COASY: variants seen among roughly 807,000 people sequenced by gnomAD.
COASY encodes bifunctional coenzyme A synthase.
Under a neutral mutation model 49.4 loss-of-function variants are expected in COASY, and 31 were observed. That is an observed-to-expected ratio of 0.63 (90% confidence interval 0.47 to 0.85). The LOEUF is 0.85. COASY is among the 40% of genes least tolerant of loss of function. The probability of loss-of-function intolerance (pLI) is 0.00; values close to 1 mark genes in which losing one functional copy is unlikely to be tolerated. For synonymous variants in COASY, 285 were observed against 310.9 expected (o/e 0.92, Z 0.88); for missense variants, 730 against 734.1 (o/e 0.99, Z 0.06).
In COASY at chr17:42,562,775, TCAGCCCCAGTC is replaced by T. The variant is rs1408589058; in HGVS notation, c.161_171del (p.Gln54ArgfsTer6). The T allele has an allele frequency of 6.2e-7, 1 of 1,602,116 alleles. No homozygotes were observed. The highest frequency in any genetic ancestry group is 8.5e-7 in the Non-Finnish European group (1 of 1,171,546). Reference sequence around the variant, plus strand: ...CGGGCATGAGCCTGGAGGGCCCGGCTCAGCCCCAGTCCAGCCCCGTGCAGGCCACGTTTGAG... The same window carrying T: ...CGGGCATGAGCCTGGAGGGCCCGGCTCAGCCCCGTGCAGGCCACGTTTGAG... On this transcript the variant is annotated frameshift_variant, in exon 1 of 9. Coordinates refer to ENST00000393818, the MANE Select transcript of COASY (RefSeq NM_025233.7). LOFTEE classifies it high-confidence loss of function.
Position 42,566,061 on chromosome 17 carries a change from GC to G in COASY, c.*96del. 1 of 1,361,386 alleles carries G rather than the reference GC, an allele frequency of 7.3e-7. No individual in the cohort carries two copies. The highest frequency in any genetic ancestry group is 1.0e-6 in the Non-Finnish European group (1 of 954,732). The allele number at this position is 1,361,386 out of a possible 1,614,324, so 84.3% of individuals were successfully genotyped here. A position where few individuals can be genotyped will look rare whatever the true frequency, so the allele number is the denominator to read the frequency against. ...GGCCTTGATGCTCACCCTGGTTCAGGCCCAGAGGTCCAAGCTATACTGTGCA... is the reference window on the plus strand; with the variant it reads ...GGCCTTGATGCTCACCCTGGTTCAGGCCAGAGGTCCAAGCTATACTGTGCA... On this transcript the variant is annotated 3_prime_UTR_variant, in exon 9 of 9. Transcript: ENST00000393818.
Position 42,562,550 on chromosome 17 carries a change from GGCCTCT to G in COASY, c.-67_-62del. The G allele has an allele frequency of 1.9e-6, 3 of 1,594,640 alleles. No homozygotes were observed. Among genetic ancestry groups the G allele is most frequent in the Non-Finnish European group, 2.6e-6 (3 of 1,171,446 alleles). On this transcript the variant is annotated 5_prime_UTR_variant, in exon 1 of 9. Coordinates refer to ENST00000393818, the MANE Select transcript of COASY (RefSeq NM_025233.7). ...TCTCTGGGGTCCAAGGTCCCATACA[GGCCTCT>G]GCCTCGGCCGCAGGCCCTTCAGTCA... is the stretch of plus-strand genomic sequence containing the variant.
Position 42,565,229 on chromosome 17 carries a change from G to A in COASY, c.1305G>A (p.Lys435=), listed in dbSNP as rs2092996517. The A allele has an allele frequency of 6.2e-7, 1 of 1,613,962 alleles. No homozygotes were observed. The highest frequency in any genetic ancestry group is 1.1e-5 in the South Asian group (1 of 91,092). Residue 435 remains lysine (K), a splice_region_variant and synonymous_variant, in exon 6 of 9, where the codon AAG becomes AAA. Coordinates refer to ENST00000393818, the MANE Select transcript of COASY (RefSeq NM_025233.7). ...VLGSRVFGNK[K]QLKILTDIMW... Reference sequence around the variant, plus strand: ...CTGCCCTCTGTTCCCCTCCCCAGAAGCAGCTGAAGATACTCACGGACATTA... The same window carrying A: ...CTGCCCTCTGTTCCCCTCCCCAGAAACAGCTGAAGATACTCACGGACATTA...
chr17:42,562,338 AC>A lies in COASY; in HGVS notation c.-284del. The A allele has an allele frequency of 7.1e-7, 1 of 1,417,954 alleles. No individual in the cohort carries two copies. The highest frequency in any genetic ancestry group is 9.9e-7 in the Non-Finnish European group (1 of 1,007,404). 87.8% of individuals were successfully genotyped at this position (1,417,954 alleles called of 1,614,324 possible). On this transcript the variant is annotated 5_prime_UTR_variant, in exon 1 of 9. Transcript: ENST00000393818. ...GGATTTTTGGATCCCCAGCCCTGTG[AC>A]AAGGGTTCCTGTCCAGTTTCCCCCT...
At position 42,566,133 on chromosome 17, in the gene COASY, T is replaced by A; in HGVS notation, c.*165T>A. 1.4e-6 allele frequency: 1 copy of A among 691,506 alleles called. No homozygotes were observed. Among genetic ancestry groups the A allele is most frequent in the Non-Finnish European group, 2.4e-6 (1 of 408,564 alleles). The allele number at this position is 691,506 out of a possible 1,614,324, so 42.8% of individuals were successfully genotyped here. On this transcript the variant is annotated 3_prime_UTR_variant, in exon 9 of 9. Transcript: ENST00000393818. ...GACACAGGAAGCCTACCCAACACGC[T>A]GGTATTTGGCCAACACTGAGGATGT...
chr17:42,562,669 C>T lies in COASY; in HGVS notation c.47C>T (p.Ala16Val). 1 of 1,526,208 alleles carries T rather than the reference C, an allele frequency of 6.6e-7. No individual in the cohort carries two copies. The highest frequency in any genetic ancestry group is 8.8e-7 in the Non-Finnish European group (1 of 1,141,124). 94.5% of individuals were successfully genotyped at this position (1,526,208 alleles called of 1,614,324 possible). ...CTCCTGGTGCTGACGACGCCGCTGG[C>T]CTCCCTAGCCCCTCGCCTGGCCTCC... is the stretch of plus-strand genomic sequence containing the variant. ...SGLLVLTTPL[A>V]SLAPRLASIL... The change falls in exon 1 of 9, where the codon GCC (alanine) becomes GTC (valine). Residue 16 changes from alanine to valine, a missense_variant. Ala to Val is a moderately conservative substitution (Grantham distance 64). Transcript: ENST00000393818.
rs2092980912 is a variant in COASY at position 42,562,621 on chromosome 17, G to T, written c.-2G>T. 2.0e-6 allele frequency: 3 copies of T among 1,528,940 alleles called. No homozygotes were observed. In the East Asian group the frequency reaches 6.8e-5, roughly 35 times the overall value. The allele number at this position is 1,528,940 out of a possible 1,614,324, so 94.7% of individuals were successfully genotyped here. On this transcript the variant is annotated 5_prime_UTR_variant, in exon 1 of 9. Transcript: ENST00000393818. ...CCCTGACTGTCCGCAGGCCTGGGCA[G>T]CATGGCCGTATTCCGGTCGGGTCTC...
intron 1 of COASY, chr17:42,563,574 C>G: frequency 1.8e-6 from 1 of 543,522 alleles, no homozygotes; most frequent in Non-Finnish European, 3.3e-6. Context: ...AGCAAGTTTT[C>G]CAGGTGATAC....
Position 42,563,217 on chromosome 17 carries a change from A to G in COASY, c.595A>G (p.Thr199Ala). ...RGYYRGAVGG[T>A]FDRLHNAHKV... is the part of the protein sequence containing the mutation. ...CTACTACCGTGGCGCTGTCGGTGGC[A>G]CGTTTGACCGCCTGCACAACGCCCA... The change falls in exon 1 of 9, where the codon ACG (threonine) becomes GCG (alanine). Residue 199 changes from threonine to alanine, a missense_variant. Physicochemically the swap from Thr to Ala is moderately conservative, Grantham distance 58. Coordinates refer to ENST00000393818, the MANE Select transcript of COASY (RefSeq NM_025233.7). 3 of 1,613,636 alleles carry G rather than the reference A, an allele frequency of 1.9e-6. No individual in the cohort carries two copies. Among genetic ancestry groups the G allele is most frequent in the Non-Finnish European group, 2.5e-6 (3 of 1,179,998 alleles).
chr17:42,562,692 T>G lies in COASY; in HGVS notation c.70T>G (p.Ser24Ala). Residue 24 changes from serine to alanine, a missense_variant, in exon 1 of 9, where the codon TCC becomes GCC. Ser to Ala is a moderately conservative substitution (Grantham distance 99). Coordinates refer to ENST00000393818, the MANE Select transcript of COASY (RefSeq NM_025233.7). ...PLASLAPRLA[S>A]ILTSAARLVN... Reference sequence around the variant, plus strand: ...GGCCTCCCTAGCCCCTCGCCTGGCCTCCATCCTGACCTCGGCGGCCCGGCT... The same window carrying G: ...GGCCTCCCTAGCCCCTCGCCTGGCCGCCATCCTGACCTCGGCGGCCCGGCT... The G allele has an allele frequency of 6.4e-7, 1 of 1,557,834 alleles. No homozygotes were observed. The highest frequency in any genetic ancestry group is 8.7e-7 in the Non-Finnish European group (1 of 1,153,094).
In COASY at chr17:42,566,131, G is replaced by T; in HGVS notation, c.*163G>T. The T allele has an allele frequency of 1.4e-6, 1 of 697,672 alleles. No homozygotes were observed. 43.2% of individuals were successfully genotyped at this position (697,672 alleles called of 1,614,324 possible). A position where few individuals can be genotyped will look rare whatever the true frequency, so the allele number is the denominator to read the frequency against. On this transcript the variant is annotated 3_prime_UTR_variant, in exon 9 of 9. Transcript: ENST00000393818. The stretch of plus-strand genomic sequence containing the variant: ...TGGACACAGGAAGCCTACCCAACAC[G>T]CTGGTATTTGGCCAACACTGAGGAT...
chr17:42,564,240 C>T, intron 2 of COASY, 65 bp downstream of exon 2: 1 of 1,518,648 alleles, frequency 6.6e-7, no homozygotes, highest in Non-Finnish European at 9.1e-7. Flanking sequence ...TTTGAGGGGG[C>T]TGTTGGAAGT....
intron 1 of COASY, chr17:42,563,531 A>C: frequency 3.5e-6 from 2 of 576,036 alleles, no homozygotes; most frequent in Non-Finnish European, 6.1e-6. Flanking sequence ...CAATCAGAAT[A>C]CCCCAAATGT....
intron 2 of COASY, 38 bp downstream of exon 2, chr17:42,564,213 G>A: frequency 6.3e-7 from 1 of 1,599,724 alleles, no homozygotes; most frequent in Non-Finnish European, 8.6e-7. Context: ...GAGTGGATGG[G>A]GGACGGGGAA....
In COASY at chr17:42,562,606, C is replaced by T. The variant is rs779309874; in HGVS notation, c.-17C>T. 1.3e-6 allele frequency: 2 copies of T among 1,537,290 alleles called. No homozygotes were observed. Among genetic ancestry groups the T allele is most frequent in the East Asian group, 2.3e-5 (1 of 44,254 alleles). Reference sequence around the variant, plus strand: ...ACCGTCGCCTCGTCTCCCTGACTGTCCGCAGGCCTGGGCAGCATGGCCGTA... The same window carrying T: ...ACCGTCGCCTCGTCTCCCTGACTGTTCGCAGGCCTGGGCAGCATGGCCGTA... On this transcript the variant is annotated 5_prime_UTR_variant, in exon 1 of 9. Transcript: ENST00000393818.
rs2092980521 is a variant in COASY at position 42,562,554 on chromosome 17, T to C, written c.-69T>C. The C allele has an allele frequency of 6.3e-7, 1 of 1,586,250 alleles. No homozygotes were observed. The highest frequency in any genetic ancestry group is 8.6e-7 in the Non-Finnish European group (1 of 1,167,734). On this transcript the variant is annotated 5_prime_UTR_variant, in exon 1 of 9. Transcript: ENST00000393818. ...TGGGGTCCAAGGTCCCATACAGGCC[T>C]CTGCCTCGGCCGCAGGCCCTTCAGT...
Position 42,564,779 on chromosome 17 carries a change from C to T in COASY, c.1118C>T (p.Ser373Leu). ...GGCATCAGTGGCTCTGGGAAGAGCTCAATAGCTCAGCGACTGAAGGGCCTG... is the reference window on the plus strand; with the variant it reads ...GGCATCAGTGGCTCTGGGAAGAGCTTAATAGCTCAGCGACTGAAGGGCCTG... ...LTGISGSGKS[S>L]IAQRLKGLGA... Residue 373 changes from serine to leucine, a missense_variant, in exon 4 of 9, where the codon TCA (serine) becomes TTA (leucine). Ser to Leu is a moderately radical substitution (Grantham distance 145, BLOSUM62 -2). Transcript: ENST00000393818. 6.5e-7 allele frequency: 1 copy of T among 1,542,706 alleles called. No individual in the cohort carries two copies.
Position 42,565,714 on chromosome 17 carries a change from G to A in COASY, c.1541G>A (p.Arg514Gln), listed in dbSNP as rs759078658. ...DGLSEAAAQS[R>Q]LQSQMSGQQL... ...CTCAGTGAAGCCGCGGCTCAAAGCC[G>A]GCTGCAGAGCCAGATGAGCGGGCAG... Residue 514 changes from arginine to glutamine, a missense_variant, in exon 8 of 9, where the codon CGG (arginine) becomes CAG (glutamine). Transcript: ENST00000393818. 19 of 1,613,892 alleles carry A rather than the reference G, an allele frequency of 1.2e-5. No individual in the cohort carries two copies. Among genetic ancestry groups the A allele is most frequent in the East Asian group, 2.2e-5 (1 of 44,902 alleles).
At position 42,566,011 on chromosome 17, in the gene COASY, C is replaced by G; in HGVS notation, c.*43C>G. The stretch of plus-strand genomic sequence containing the variant: ...CAGACTGGCTCCTGGAGCTGACAAG[C>G]GACCCCGTGGTGAGGAGAAATGGGG... On this transcript the variant is annotated 3_prime_UTR_variant, in exon 9 of 9. Transcript: ENST00000393818. The G allele has an allele frequency of 1.2e-6, 2 of 1,603,706 alleles. No individual in the cohort carries two copies. Among genetic ancestry groups the G allele is most frequent in the Non-Finnish European group, 1.7e-6 (2 of 1,171,274 alleles).
Sources: gnomAD v4.1 joint callset for allele counts on GRCh38, gnomAD v4.1.1 for gene constraint, MANE v1.5 for transcripts, NCBI Gene and HGNC (gene_info 2026-07-23, HGNC 2026-07-21) for gene names.